IGF1: variants seen among roughly 807,000 people sequenced by gnomAD.
The protein encoded by IGF1 is insulin-like growth factor 1.
In IGF1, 4 loss-of-function variants were observed where a neutral mutation model predicts 13.8. That is an observed-to-expected ratio of 0.29 (90% CI 0.14 to 0.66). The LOEUF is 0.66. Ranked by LOEUF, IGF1 falls within the 30% of genes least tolerant of loss-of-function variation. The pLI, the probability that IGF1 is intolerant of heterozygous loss-of-function variation, is 0.78. For missense variants in IGF1, 124 were observed against 188.5 expected, an observed-to-expected ratio of 0.66 and a Z score of 2.00; for synonymous variants, 76 against 72.6, an observed-to-expected ratio of 1.05 and a Z score of -0.23.
At chr12:102,404,399 G>A (rs11111262) in intron 3 of IGF1, among the ~76,000 whole-genome samples, 10,805 of 152,184 alleles carry the variant, frequency 0.071, 506 homozygotes, top group East Asian at 0.17. Flanking sequence ...CATAGGGATC[G>A]GCAGGTTTTC....
chr12:102,460,305 A>T (rs914510753), intron 2 of IGF1, among the ~76,000 whole-genome samples: 17 of 152,190 alleles, frequency 1.1e-4, no homozygotes, highest in African/African-American at 3.6e-4. Context: ...ATGTGCATAG[A>T]GCTGTGCTTT....
At chr12:102,457,962 T>A (rs1169644465) in intron 2 of IGF1, among the ~76,000 whole-genome samples, 1 of 152,196 alleles carries the variant, frequency 6.6e-6, no homozygotes, top group Non-Finnish European at 1.5e-5. Flanking sequence ...GGTACACAGT[T>A]ATCCATAAAA....
chr12:102,464,018 G>C (rs912163897), intron 2 of IGF1, among the ~76,000 whole-genome samples: 1 of 152,180 alleles, frequency 6.6e-6, no homozygotes, highest in Admixed American at 6.5e-5. Context: ...CACTTGTAGT[G>C]TTCTCTAAGG....
Position 102,397,988 on chromosome 12 carries a change from A to T in IGF1, c.*4519T>A, listed in dbSNP as rs1282576962. 1.3e-5 allele frequency: 2 copies of T among 151,866 alleles called. No individual in the cohort carries two copies. Among genetic ancestry groups the T allele is most frequent in the Non-Finnish European group, 1.5e-5 (1 of 67,818 alleles). The allele number at this position is 151,866 out of a possible 1,614,324, so 9.4% of individuals were successfully genotyped here. A position where few individuals can be genotyped will look rare whatever the true frequency, so the allele number is the denominator to read the frequency against. ...TCTAGCCTATAGTTTTAAAGAGTCT[A>T]TGTGGGTTTAACTTATTATTCCTCA... On this transcript the variant is annotated 3_prime_UTR_variant, in exon 4 of 4. Coordinates refer to ENST00000337514, the MANE Select transcript of IGF1 (RefSeq NM_000618.5).
At chr12:102,441,964 T>TTTTC (rs1565985049) in intron 2 of IGF1, among the ~76,000 whole-genome samples, 3 of 13,942 alleles carry the variant, frequency 2.2e-4, no homozygotes, top group Non-Finnish European at 4.7e-4. Context: ...TCTTTTTTTT[T>TTTTC]TTTGAGACAG....
intron 2 of IGF1, among the ~76,000 whole-genome samples, chr12:102,425,683 C>G (rs1204192940): frequency 1.3e-5 from 2 of 152,162 alleles, no homozygotes; most frequent in African/African-American, 2.4e-5. Flanking sequence ...AGCTAAAGTG[C>G]AAGTCCTAGG....
intron 2 of IGF1, among the ~76,000 whole-genome samples, chr12:102,456,319 T>G (rs985750064): frequency 4.0e-5 from 6 of 148,920 alleles, no homozygotes; most frequent in African/African-American, 1.5e-4. Flanking sequence ...CAAACGCACT[T>G]CAAAGACTAA....
At chr12:102,454,252 C>G (rs1245826577) in intron 2 of IGF1, among the ~76,000 whole-genome samples, 2 of 152,216 alleles carry the variant, frequency 1.3e-5, no homozygotes, top group Admixed American at 6.5e-5. Flanking sequence ...CATGAGTACT[C>G]TCACAGCACT....
chr12:102,420,664 T>G (rs1320970947), intron 2 of IGF1, among the ~76,000 whole-genome samples: 1 of 152,156 alleles, frequency 6.6e-6, no homozygotes, highest in Non-Finnish European at 1.5e-5. Context: ...ATTCTATTTC[T>G]TATTGAGTAA....
At chr12:102,454,398 G>A (rs1191975405) in intron 2 of IGF1, among the ~76,000 whole-genome samples, 4 of 152,228 alleles carry the variant, frequency 2.6e-5, no homozygotes, top group African/African-American at 9.6e-5. Context: ...TCCCTAGAAG[G>A]AAGTACATGC....
intron 2 of IGF1, among the ~76,000 whole-genome samples, chr12:102,441,958 T>TTCCTCTTCTTCTTC (rs1180940405): frequency 2.4e-5 from 1 of 41,162 alleles, no homozygotes; most frequent in Non-Finnish European, 4.5e-5. Context: ...TCTTCTTCTT[T>TTCCTCTTCTTCTTC]TTTTTTTTTG....
At chr12:102,409,544 A>G (rs1405805186) in intron 3 of IGF1, among the ~76,000 whole-genome samples, 1 of 152,226 alleles carries the variant, frequency 6.6e-6, no homozygotes, top group Non-Finnish European at 1.5e-5. Context: ...GGTATTCTCT[A>G]CAAGGACAAA....
intron 2 of IGF1, among the ~76,000 whole-genome samples, chr12:102,472,016 C>T (rs1230146373): frequency 6.6e-6 from 1 of 152,276 alleles, no homozygotes; most frequent in South Asian, 2.1e-4. Flanking sequence ...TAATGAGCCA[C>T]CCTTTATAAG....
intron 1 of IGF1, among the ~76,000 whole-genome samples, chr12:102,476,215 T>C (rs1881027109): frequency 6.6e-6 from 1 of 152,202 alleles, no homozygotes; most frequent in Non-Finnish European, 1.5e-5. Flanking sequence ...TGGGGCCAAA[T>C]AAGTTTTGTT....
At chr12:102,419,401 C>G (rs1176904071) in intron 3 of IGF1, 108 bp downstream of exon 3, 2 of 1,122,826 alleles carry the variant, frequency 1.8e-6, no homozygotes, top group African/African-American at 1.5e-5. Flanking sequence ...AGGAGCTTTT[C>G]TGACTTGTAA....
At position 102,410,681 on chromosome 12, in the gene IGF1, C is replaced by T. The variant is rs1352815785; in HGVS notation, c.403-8115G>A. Among the ~76,000 whole-genome samples the T allele has an allele frequency of 3.3e-5, 5 of 152,160 alleles. No individual in the cohort carries two copies. The East Asian group carries it at 9.6e-4, about 29-fold the overall frequency. On this transcript the variant is annotated intron_variant, in intron 3 of 3. Coordinates refer to ENST00000337514, the MANE Select transcript of IGF1 (RefSeq NM_000618.5). ...GGGTTTTTACCTTTTGGTGTCATTT[C>T]AATGCAATAGTGATGAGTTCACAGG... is the stretch of plus-strand genomic sequence containing the variant.
rs1038240514 is a variant in IGF1, at chr12:102,399,698, C to T, written c.*2809G>A. 5.3e-5 allele frequency: 8 copies of T among 152,108 alleles called. No individual in the cohort carries two copies. Among genetic ancestry groups the T allele is most frequent in the African/African-American group, 1.9e-4 (8 of 41,430 alleles). The allele number at this position is 152,108 out of a possible 1,614,324, so 9.4% of individuals were successfully genotyped here. A position where few individuals can be genotyped will look rare whatever the true frequency, so the allele number is the denominator to read the frequency against. On this transcript the variant is annotated 3_prime_UTR_variant, in exon 4 of 4. Transcript: ENST00000337514. ...TGGCAGTGCATCTTTCAGCTTTCCT[C>T]CTTGGGGGATTTTTGACTGTGGATA... is the stretch of plus-strand genomic sequence containing the variant.
Position 102,402,249 on chromosome 12 carries a change from T to A in IGF1, c.*258A>T, listed in dbSNP as rs993267852. 14 of 274,164 alleles carry A rather than the reference T, an allele frequency of 5.1e-5. No homozygotes were observed. The highest frequency in any genetic ancestry group is 1.6e-4 in the African/African-American group (7 of 44,514). 17.0% of individuals were successfully genotyped at this position (274,164 alleles called of 1,614,324 possible). ...TAAGATATATATATATATATATTTT[T>A]TTTTTCTTTTCTATAGAACATTATT... On this transcript the variant is annotated 3_prime_UTR_variant, in exon 4 of 4. Transcript: ENST00000337514.
chr12:102,402,718 TAGGTGGAC>T (rs760349960), intron 3 of IGF1, 152 bp from the exon 4 acceptor site: 90 of 685,798 alleles, frequency 1.3e-4, no homozygotes, highest in Admixed American at 2.2e-4. Context: ...AGGGCATGTA[TAGGTGGAC>T]AGGCCCTTAG....
Sources: gnomAD v4.1 joint callset for allele counts (sites outside exome capture counted in the v4.1 genomes callset) on GRCh38, gnomAD v4.1.1 for gene constraint, MANE v1.5 for transcripts, NCBI Gene and HGNC (gene_info 2026-07-23, HGNC 2026-07-21) for gene names.